The following WASHC2C variants were observed in gnomAD, a reference collection of about 807,000 sequenced individuals.
WASHC2C encodes the protein WASH complex subunit 2C, also known as Vaccinia Penetration Factor.
A neutral mutation model predicts 142.2 loss-of-function variants in WASHC2C; 73 were observed. The observed-to-expected ratio is 0.51, with a 90% CI of 0.43 to 0.62. WASHC2C has a LOEUF of 0.62. Among genes scored for constraint, WASHC2C ranks in the 20% least tolerant of loss-of-function variants. The pLI, the probability that WASHC2C is intolerant of heterozygous loss-of-function variation, is 0.00. For missense variants in WASHC2C, 969 were observed against 1,531.7 expected (o/e 0.63, Z 6.13); for synonymous variants, 337 against 565.5 (o/e 0.60, Z 5.73).
intron 5 of WASHC2C, among the ~76,000 whole-genome samples, chr10:45,742,442 G>A (rs2052212123): frequency 6.6e-6 from 1 of 151,798 alleles, no homozygotes; most frequent in Admixed American, 6.6e-5. Context: ...AGTCTCCTGA[G>A]TAAATGGGAT....
chr10:45,757,224 C>T, intron 16 of WASHC2C, 85 bp downstream of exon 16: 1 of 1,595,182 alleles, frequency 6.3e-7, no homozygotes, highest in Non-Finnish European at 8.5e-7. Flanking sequence ...AAGTACTGTT[C>T]CCTTTCACGT....
chr10:45,751,285 C>T (rs1485146538), intron 10 of WASHC2C, among the ~76,000 whole-genome samples, 197 bp from the exon 11 acceptor site: 1 of 150,470 alleles, frequency 6.6e-6, no homozygotes, highest in African/African-American at 2.5e-5. Context: ...AAAGCAGAAG[C>T]CTTCTGCCTT....
intron 8 of WASHC2C, among the ~76,000 whole-genome samples, chr10:45,749,278 TATAAAA>T (rs2053234578): frequency 6.6e-6 from 1 of 151,372 alleles, no homozygotes; most frequent in Non-Finnish European, 1.5e-5. Flanking sequence ...CTACCAAAAA[TATAAAA>T]ATTAGCCGGG....
At chr10:45,771,149 G>A (rs1564793621) in intron 20 of WASHC2C, among the ~76,000 whole-genome samples, 1 of 151,786 alleles carries the variant, frequency 6.6e-6, no homozygotes, top group Non-Finnish European at 1.5e-5. Flanking sequence ...GGCAGATCAC[G>A]AGGTCAGGAG....
intron 10 of WASHC2C, 137 bp downstream of exon 10, chr10:45,750,975 T>C: frequency 1.1e-6 from 1 of 921,386 alleles, no homozygotes; most frequent in South Asian, 1.8e-5. Context: ...ATAATTTAAA[T>C]TGTAGCGCTT....
At chr10:45,773,829 A>G (rs1554885573) in intron 21 of WASHC2C, among the ~76,000 whole-genome samples, 4 of 150,416 alleles carry the variant, frequency 2.7e-5, no homozygotes, top group African/African-American at 9.8e-5. Context: ...ACTGTGGAAT[A>G]CTATACAGTG....
chr10:45,770,704 C>T (rs2135384825), intron 20 of WASHC2C, among the ~76,000 whole-genome samples: 1 of 152,296 alleles, frequency 6.6e-6, no homozygotes, highest in Middle Eastern at 3.4e-3. Flanking sequence ...ACTTGACACT[C>T]GGATGCATCT....
At chr10:45,763,257 A>T (rs565981748) in intron 17 of WASHC2C, 131 bp from the exon 18 acceptor site, 1 of 595,872 alleles carries the variant, frequency 1.7e-6, no homozygotes, top group African/African-American at 1.9e-5. Context: ...TGTCTGAGCC[A>T]CCTTCCCTCT....
At chr10:45,747,039 G>T (rs2052919738) in intron 8 of WASHC2C, among the ~76,000 whole-genome samples, 1 of 152,132 alleles carries the variant, frequency 6.6e-6, no homozygotes, top group African/African-American at 2.4e-5. Flanking sequence ...TCTTAGCACG[G>T]TTATCTTAAT....
rs559482557 is a variant in WASHC2C, at chr10:45,750,897, G to A, written c.931+59G>A. The A allele has an allele frequency of 3.9e-3, 5,725 of 1,461,244 alleles. 32 individuals carry two copies. Among genetic ancestry groups the A allele is most frequent in the Non-Finnish European group, 4.8e-3 (5,242 of 1,081,308 alleles). 90.5% of individuals were successfully genotyped at this position (1,461,244 alleles called of 1,614,324 possible). A position where few individuals can be genotyped will look rare whatever the true frequency, so the allele number is the denominator to read the frequency against. On this transcript the variant is annotated intron_variant, in intron 10 of 30. Transcript: ENST00000623400. ...AGGAGTAGTGCAGGGCCCTCTGCTG[G>A]CTTCACCAAAGGCGGATTTCTCTTT...
In WASHC2C at chr10:45,784,829, G is replaced by C; in HGVS notation, c.2616G>C (p.Glu872Asp). ...FAGTKKTKLL[E>D]PSVGSLFGDD... ...GGTCTTGTTTATTCTAGCTGTTAGA[G>C]CCAAGTGTTGGGAGCCTGTTTGGGG... The change falls in exon 25 of 31, where the codon GAG becomes GAC. Residue 872 changes from glutamate to aspartate, a missense_variant. Physicochemically the swap from Glu to Asp is conservative, Grantham distance 45 (BLOSUM62 2). Coordinates refer to ENST00000623400, the MANE Select transcript of WASHC2C (RefSeq NM_001330074.2). 1 of 1,605,660 alleles carries C rather than the reference G, an allele frequency of 6.2e-7. No individual in the cohort carries two copies. The highest frequency in any genetic ancestry group is 8.5e-7 in the Non-Finnish European group (1 of 1,175,960).
chr10:45,791,315 A>G (rs2058381571), intron 30 of WASHC2C, among the ~76,000 whole-genome samples: 1 of 151,972 alleles, frequency 6.6e-6, no homozygotes, highest in Admixed American at 6.6e-5. Flanking sequence ...AATACAAAAA[A>G]AGTAATACAT....
At chr10:45,775,680 A>ATTTTTTTTTTT (rs569006368) in intron 21 of WASHC2C, among the ~76,000 whole-genome samples, 2 of 132,990 alleles carry the variant, frequency 1.5e-5, no homozygotes, top group African/African-American at 2.8e-5. Flanking sequence ...TTTGCATTGA[A>ATTTTTTTTTTT]TTTTTTTTTT....
intron 15 of WASHC2C, 108 bp from the exon 16 acceptor site, chr10:45,756,904 C>A: frequency 3.5e-6 from 3 of 852,538 alleles, no homozygotes; most frequent in Non-Finnish European, 5.4e-6. Context: ...CAAGAAACAA[C>A]ATAACTTTTT....
At chr10:45,753,717 A>G (rs1355992578) in intron 13 of WASHC2C, among the ~76,000 whole-genome samples, 16 of 142,882 alleles carry the variant, frequency 1.1e-4, no homozygotes, top group Non-Finnish European at 1.7e-4. Flanking sequence ...TTAAACTCCT[A>G]TCCTCAAGTG....
At chr10:45,731,221 CTT>C (rs1179250726) in intron 3 of WASHC2C, among the ~76,000 whole-genome samples, 1 of 140,572 alleles carries the variant, frequency 7.1e-6, no homozygotes, top group Admixed American at 7.0e-5. Flanking sequence ...TTAGCCTTAG[CTT>C]TTTTTTTTTT....
chr10:45,769,649 T>A, intron 20 of WASHC2C, 31 bp downstream of exon 20: 12 of 1,611,578 alleles, frequency 7.4e-6, no homozygotes, highest in Non-Finnish European at 1.0e-5. Flanking sequence ...AGTCCCTCAC[T>A]CCATTACCGT....
At chr10:45,730,273 G>A (rs2050391346) in intron 3 of WASHC2C, among the ~76,000 whole-genome samples, 1 of 135,912 alleles carries the variant, frequency 7.4e-6, no homozygotes, top group African/African-American at 2.7e-5. Context: ...CTTGAACCTG[G>A]GAGGCGGAGG....
rs571978314 is a variant in WASHC2C at position 45,746,517 on chromosome 10, G to A, written c.685-83G>A. On this transcript the variant is annotated intron_variant, in intron 7 of 30. Coordinates refer to ENST00000623400, the MANE Select transcript of WASHC2C (RefSeq NM_001330074.2). ...TCTCCACTTGACATAGAATCAGCCT[G>A]CCCCAGAGACTTAGACCTGCAATCA... 1.9e-4 allele frequency: 287 copies of A among 1,495,046 alleles called. No individual in the cohort carries two copies. The African/African-American group carries it at 3.5e-3, about 18-fold the overall frequency. The allele number at this position is 1,495,046 out of a possible 1,614,324, so 92.6% of individuals were successfully genotyped here.
Sources: allele counts gnomAD v4.1 joint callset (sites outside exome capture counted in the v4.1 genomes callset), GRCh38; gene constraint gnomAD v4.1.1; transcripts MANE v1.5; gene names NCBI Gene and HGNC (gene_info 2026-07-23, HGNC 2026-07-21).